Variants in NRXN2 observed in about 807,000 individuals in gnomAD.
NRXN2 encodes the protein neurexin-2-beta.
A neutral mutation model predicts 128.8 loss-of-function variants in NRXN2; 29 were observed. The observed-to-expected ratio is 0.23, with a 90% CI of 0.17 to 0.31. The LOEUF is 0.31. NRXN2 is among the 10% of genes least tolerant of loss of function. The probability of loss-of-function intolerance (pLI) is 1.00; values close to 1 mark genes in which losing one functional copy is unlikely to be tolerated. For missense variants in NRXN2, 1,881 were observed against 2,452.6 expected, an observed-to-expected ratio of 0.77 and a Z score of 4.92; for synonymous variants, 1,098 against 1,075.2, an observed-to-expected ratio of 1.02 and a Z score of -0.41.
chr11:64,697,643 C>T, intron 3 of NRXN2, 132 bp downstream of exon 3: 3 of 1,051,704 alleles, frequency 2.9e-6, no homozygotes, highest in Middle Eastern at 2.0e-4. Flanking sequence ...AGGGAGGACC[C>T]CAGACATCCT....
chr11:64,627,482 C>T (rs1363633809), intron 19 of NRXN2, among the ~76,000 whole-genome samples: 1 of 151,972 alleles, frequency 6.6e-6, no homozygotes, highest in African/African-American at 2.4e-5. Flanking sequence ...GTCTCAGGAC[C>T]TCATCTTGCT....
At chr11:64,611,362 C>T (rs1446530882) in intron 22 of NRXN2, among the ~76,000 whole-genome samples, 1 of 152,214 alleles carries the variant, frequency 6.6e-6, no homozygotes, top group African/African-American at 2.4e-5. Flanking sequence ...CACCACCTTC[C>T]ATCTTAGACT....
At chr11:64,704,623 C>CAGAGAGAGAGAGAGAGAGAGAGAGAG (rs61394963) in intron 2 of NRXN2, among the ~76,000 whole-genome samples, 3 of 81,178 alleles carry the variant, frequency 3.7e-5, no homozygotes, top group Admixed American at 1.4e-4. Context: ...CACACACACA[C>CAGAGAGAGAGAGAGAGAGAGAGAGAG]AGAGAGAGAG....
intron 2 of NRXN2, among the ~76,000 whole-genome samples, chr11:64,702,826 A>G (rs562927580): frequency 1.4e-3 from 206 of 151,208 alleles, no homozygotes; most frequent in African/African-American, 4.9e-3. Flanking sequence ...AAAAAAAAAA[A>G]GAAAAATAAA....
At position 64,627,895 on chromosome 11, in the gene NRXN2, A is replaced by T. The variant is rs1184247325; in HGVS notation, c.3758-1343T>A. On this transcript the variant is annotated intron_variant, in intron 19 of 22. Transcript: ENST00000265459. ...CACAGCTGTGCTCACCTGCCCAGAG[A>T]CCCGGGCCTGGGCCTGCCTATGTAC... Among the ~76,000 whole-genome samples the T allele has an allele frequency of 2.6e-5, 4 of 152,086 alleles. No individual in the cohort carries two copies. The East Asian group carries it at 5.8e-4, about 22-fold the overall frequency.
At chr11:64,645,928 T>C (rs888974144) in intron 17 of NRXN2, among the ~76,000 whole-genome samples, 15 of 152,166 alleles carry the variant, frequency 9.9e-5, no homozygotes, top group Non-Finnish European at 1.9e-4. Context: ...CAGAGCTAAC[T>C]GAACGGGTCT....
At chr11:64,670,540 C>T (rs1156382932) in intron 7 of NRXN2, among the ~76,000 whole-genome samples, 1 of 152,114 alleles carries the variant, frequency 6.6e-6, no homozygotes, top group Non-Finnish European at 1.5e-5. Flanking sequence ...CTCCACTCTG[C>T]CTGATGCTGC....
At chr11:64,706,324 C>T (rs1048416657) in intron 2 of NRXN2, among the ~76,000 whole-genome samples, 67 of 144,940 alleles carry the variant, frequency 4.6e-4, no homozygotes, top group African/African-American at 1.6e-3. Context: ...CCTCCCCACT[C>T]CCCCCACCCC....
intron 6 of NRXN2, 45 bp from the exon 7 acceptor site, chr11:64,677,082 AAAC>A: frequency 8.1e-7 from 1 of 1,236,996 alleles, no homozygotes; most frequent in Non-Finnish European, 1.2e-6. Flanking sequence ...GGGTGTCAAA[AAAC>A]AACAACAAAC....
intron 7 of NRXN2, chr11:64,676,645 G>A: frequency 5.7e-6 from 2 of 351,112 alleles, no homozygotes; most frequent in Non-Finnish European, 1.0e-5. Flanking sequence ...GAAATAAGCA[G>A]CCTGGCATCG....
At chr11:64,689,965 C>A (rs1178877649) in intron 5 of NRXN2, among the ~76,000 whole-genome samples, 2 of 152,178 alleles carry the variant, frequency 1.3e-5, no homozygotes, top group Non-Finnish European at 2.9e-5. Context: ...GAAAAAGGAG[C>A]TAGAGCCCCC....
chr11:64,643,823 T>C (rs1203551656), intron 17 of NRXN2, among the ~76,000 whole-genome samples: 2 of 151,886 alleles, frequency 1.3e-5, no homozygotes, highest in Non-Finnish European at 2.9e-5. Context: ...CCCTGCTGAA[T>C]AATGGAACGG....
At chr11:64,665,245 C>T (rs1345069305) in intron 9 of NRXN2, among the ~76,000 whole-genome samples, 3 of 151,186 alleles carry the variant, frequency 2.0e-5, no homozygotes, top group Non-Finnish European at 2.9e-5. Flanking sequence ...CGCGCCACTG[C>T]ACTCCAGCCT....
At chr11:64,679,777 G>A (rs1025770360) in intron 6 of NRXN2, among the ~76,000 whole-genome samples, 1 of 152,162 alleles carries the variant, frequency 6.6e-6, no homozygotes, top group African/African-American at 2.4e-5. Flanking sequence ...TCTAGACCTA[G>A]GGATTAAGGA....
At chr11:64,661,561 G>A (rs895578117) in intron 9 of NRXN2, among the ~76,000 whole-genome samples, 1 of 152,188 alleles carries the variant, frequency 6.6e-6, no homozygotes, top group Non-Finnish European at 1.5e-5. Flanking sequence ...AGAAGGGGCT[G>A]AAAGATCTTT....
At chr11:64,649,889 TG>T (rs1409534201) in intron 15 of NRXN2, among the ~76,000 whole-genome samples, 1 of 152,136 alleles carries the variant, frequency 6.6e-6, no homozygotes, top group African/African-American at 2.4e-5. Flanking sequence ...TCACCCATTC[TG>T]GGGGCAGGCA....
intron 17 of NRXN2, among the ~76,000 whole-genome samples, chr11:64,646,998 A>G (rs1360496301): frequency 2.0e-5 from 3 of 152,126 alleles, no homozygotes; most frequent in Non-Finnish European, 4.4e-5. Context: ...AGGGGAAAGA[A>G]AAACTAACAC....
intron 17 of NRXN2, chr11:64,642,860 T>TGCGCAGCCCCGCGAAGCC (rs2045947232): frequency 1.3e-6 from 1 of 781,854 alleles, no homozygotes; most frequent in Admixed American, 6.3e-5. Context: ...GACGCGGGGC[T>TGCGCAGCCCCGCGAAGCC]GCGCAGCCCC....
chr11:64,698,600 T>A (rs1244216408), intron 2 of NRXN2, among the ~76,000 whole-genome samples: 1 of 152,204 alleles, frequency 6.6e-6, no homozygotes, highest in East Asian at 1.9e-4. Context: ...CCAGGCTGGA[T>A]GGCCATGCCA....
Sources: allele counts gnomAD v4.1 joint callset (sites outside exome capture counted in the v4.1 genomes callset), GRCh38; gene constraint gnomAD v4.1.1; transcripts MANE v1.5; gene names NCBI Gene and HGNC (gene_info 2026-07-23, HGNC 2026-07-21).